The following OR51B5 variants were observed in gnomAD, a reference collection of about 807,000 sequenced individuals.
OR51B5 encodes the protein olfactory receptor 51B5.
For missense variants in OR51B5, 456 were observed against 374.6 expected, an observed-to-expected ratio of 1.22 and a Z score of -1.79; for synonymous variants, 186 against 144.8, an observed-to-expected ratio of 1.28 and a Z score of -2.04.
intron 1 of OR51B5, among the ~76,000 whole-genome samples, chr11:5,462,789 G>A (rs984763149): frequency 6.6e-6 from 1 of 152,168 alleles, no homozygotes; most frequent in African/African-American, 2.4e-5. Context: ...ACTTGTAGGT[G>A]CTTGTACATT....
rs553238890 is a variant in OR51B5, at chr11:5,464,726, G to C, written n.84+40843C>G. On this transcript the variant is annotated intron_variant and non_coding_transcript_variant, in intron 1 of 4. Transcript: ENST00000415970. Reference sequence around the variant, plus strand: ...GTTGGTTCCAAGTCTTTGCTATTGTGAATAATGCCACAATAAACATACGTG... The same window carrying C: ...GTTGGTTCCAAGTCTTTGCTATTGTCAATAATGCCACAATAAACATACGTG... Among the ~76,000 whole-genome samples, 30 of 152,184 alleles carry C rather than the reference G, an allele frequency of 2.0e-4. No homozygotes were observed. The South Asian group carries it at 6.2e-3, about 32-fold the overall frequency.
chr11:5,414,240 T>A (rs893196810), intron 1 of OR51B5, among the ~76,000 whole-genome samples: 1 of 150,844 alleles, frequency 6.6e-6, no homozygotes, highest in Non-Finnish European at 1.5e-5. Flanking sequence ...GCTGAGAGAT[T>A]TTGTCACCAC....
At chr11:5,374,500 G>A (rs972258838) in intron 1 of OR51B5, among the ~76,000 whole-genome samples, 2 of 152,182 alleles carry the variant, frequency 1.3e-5, no homozygotes, top group Non-Finnish European at 2.9e-5. Flanking sequence ...TTGACGAGCT[G>A]AGAGAAGAAG....
At chr11:5,351,545 C>T (rs1374953820) in intron 1 of OR51B5, 4 of 1,613,652 alleles carry the variant, frequency 2.5e-6, no homozygotes, top group Admixed American at 3.3e-5. Context: ...TTCCAGCTTA[C>T]TGGCTTCCCA....
chr11:5,497,055 A>T (rs1222036542), intron 1 of OR51B5, among the ~76,000 whole-genome samples: 10 of 147,722 alleles, frequency 6.8e-5, no homozygotes, highest in African/African-American at 1.7e-4. Context: ...AAAAAAAAAA[A>T]AAAAAAAAAA....
At chr11:5,452,752 G>T (rs1017833538) in intron 1 of OR51B5, among the ~76,000 whole-genome samples, 2 of 152,134 alleles carry the variant, frequency 1.3e-5, no homozygotes, top group African/African-American at 4.8e-5. Flanking sequence ...TTTGTATTTG[G>T]AACAATGCTC....
chr11:5,486,097 A>G (rs1201283060), intron 1 of OR51B5, among the ~76,000 whole-genome samples: 2 of 151,256 alleles, frequency 1.3e-5, no homozygotes, highest in Non-Finnish European at 2.9e-5. Flanking sequence ...CAACATCGCG[A>G]TATCAGACTT....
At chr11:5,453,631 C>T in intron 1 of OR51B5, 1 of 1,613,786 alleles carries the variant, frequency 6.2e-7, no homozygotes, top group Non-Finnish European at 8.5e-7. Context: ...ATCCTGCAGG[C>T]TGTGCGAGTG....
intron 1 of OR51B5, among the ~76,000 whole-genome samples, chr11:5,404,227 G>A (rs919010812): frequency 3.3e-5 from 5 of 152,096 alleles, no homozygotes; most frequent in African/African-American, 1.2e-4. Flanking sequence ...GATTGTAAAT[G>A]CACCAATCAG....
At chr11:5,342,611 A>G (rs748299161) in exon 1 of OR51B5, 2 of 1,597,820 alleles carry the variant, frequency 1.3e-6, no homozygotes, top group South Asian at 1.1e-5. Context: ...ATGGGTAGTA[A>G]AAAGGTGAAG....
chr11:5,402,630 C>A (rs937245492), intron 1 of OR51B5: 1 of 471,230 alleles, frequency 2.1e-6, no homozygotes, highest in Non-Finnish European at 4.4e-6. Flanking sequence ...GGGGTTTTTA[C>A]CTACGACTTT....
chr11:5,347,628 G>C (rs1464931648), upstream of OR51B5, among the ~76,000 whole-genome samples: 1 of 152,102 alleles, frequency 6.6e-6, no homozygotes, highest in Non-Finnish European at 1.5e-5. Context: ...CCACAATGTA[G>C]ACAAAATATT....
chr11:5,407,030 A>G (rs953856418), intron 1 of OR51B5, among the ~76,000 whole-genome samples: 1 of 152,134 alleles, frequency 6.6e-6, no homozygotes, highest in African/African-American at 2.4e-5. Context: ...GATTTGAAAA[A>G]CATCATTAAA....
intron 1 of OR51B5, among the ~76,000 whole-genome samples, chr11:5,349,176 A>G (rs1849037468): frequency 6.6e-6 from 1 of 152,146 alleles, no homozygotes; most frequent in Admixed American, 6.5e-5. Context: ...TCTGAAACTC[A>G]CAGATCATCT....
intron 1 of OR51B5, among the ~76,000 whole-genome samples, chr11:5,409,130 T>C (rs1382510678): frequency 6.6e-6 from 1 of 152,116 alleles, no homozygotes; most frequent in Non-Finnish European, 1.5e-5. Context: ...TATTTTAAAA[T>C]CACTGTGTGT....
At chr11:5,438,873 G>A (rs994199903) in intron 1 of OR51B5, among the ~76,000 whole-genome samples, 3 of 152,192 alleles carry the variant, frequency 2.0e-5, no homozygotes, top group Non-Finnish European at 4.4e-5. Context: ...GACGCAATCT[G>A]CAGGTAAACG....
chr11:5,468,572 G>T, intron 1 of OR51B5: 1 of 431,042 alleles, frequency 2.3e-6, no homozygotes, highest in Non-Finnish European at 4.7e-6. Context: ...TAGAGCATTG[G>T]AGGTACAAAG....
chr11:5,411,155 T>C (rs1850143786), intron 1 of OR51B5, among the ~76,000 whole-genome samples: 1 of 152,258 alleles, frequency 6.6e-6, no homozygotes, highest in African/African-American at 2.4e-5. Flanking sequence ...TCAGAGCAAC[T>C]TTCAGTCCTG....
intron 1 of OR51B5, among the ~76,000 whole-genome samples, chr11:5,400,480 G>A (rs6421052): frequency 1.3e-5 from 2 of 151,496 alleles, no homozygotes; most frequent in African/African-American, 4.9e-5. Context: ...TACATTGCAT[G>A]CAACTTAGCC....
Sources: allele counts gnomAD v4.1 joint callset (sites outside exome capture counted in the v4.1 genomes callset), GRCh38; gene constraint gnomAD v4.1.1; transcripts MANE v1.5; gene names NCBI Gene and HGNC (gene_info 2026-07-23, HGNC 2026-07-21).